Variants in VEGFC observed in about 807,000 individuals in gnomAD.
VEGFC encodes FLT4 ligand DHM.
In VEGFC, 12 loss-of-function variants were observed where a neutral mutation model predicts 46.1. That is an observed-to-expected ratio of 0.26 (90% CI 0.17 to 0.42). The LOEUF is 0.42. Among genes scored for constraint, VEGFC ranks in the 10% least tolerant of loss-of-function variants. The probability of loss-of-function intolerance (pLI) is 1.00; values close to 1 mark genes in which losing one functional copy is unlikely to be tolerated. For missense variants in VEGFC, 488 were observed against 529.4 expected, an observed-to-expected ratio of 0.92 and a Z score of 0.77; for synonymous variants, 232 against 195.5, an observed-to-expected ratio of 1.19 and a Z score of -1.56.
At chr4:176,779,540 G>A (rs1735871605) in intron 1 of VEGFC, among the ~76,000 whole-genome samples, 1 of 152,134 alleles carries the variant, frequency 6.6e-6, no homozygotes, top group African/African-American at 2.4e-5. Flanking sequence ...TTAAAAAAGA[G>A]TACTACTCTT....
chr4:176,776,002 A>G (rs1435537010), intron 1 of VEGFC, among the ~76,000 whole-genome samples: 1 of 152,232 alleles, frequency 6.6e-6, no homozygotes, highest in South Asian at 2.1e-4. Flanking sequence ...ATATAAACAC[A>G]TAACATTTTA....
chr4:176,697,452 G>A (rs1346093994), intron 4 of VEGFC, among the ~76,000 whole-genome samples: 8 of 152,256 alleles, frequency 5.3e-5, no homozygotes, highest in South Asian at 2.1e-4. Flanking sequence ...CTCACACCAC[G>A]TAGAATGGCA....
intron 1 of VEGFC, among the ~76,000 whole-genome samples, chr4:176,759,619 T>A (rs1309102107): frequency 3.3e-5 from 5 of 152,060 alleles, no homozygotes; most frequent in Non-Finnish European, 5.9e-5. Flanking sequence ...AAATGATAAG[T>A]ATGTGAGATG....
chr4:176,715,846 T>C (rs1734690497), intron 3 of VEGFC, among the ~76,000 whole-genome samples: 1 of 152,178 alleles, frequency 6.6e-6, no homozygotes, highest in Admixed American at 6.5e-5. Flanking sequence ...CATAACATTT[T>C]CAAATCACTG....
chr4:176,692,544 T>TG lies in VEGFC; in HGVS notation c.705-4618dup, dbSNP rs1047564371. ...TCAAACTGCAAGGCGGCAATGAGGCTGGGGGAGGGACGCCCGCCATTGCCC... is the reference window on the plus strand; with the variant it reads ...TCAAACTGCAAGGCGGCAATGAGGCTGGGGGGAGGGACGCCCGCCATTGCCC... On this transcript the variant is annotated intron_variant, in intron 4 of 6. Transcript: ENST00000618562. 1.6e-4 allele frequency among the ~76,000 whole-genome samples: 21 copies of TG among 132,840 alleles called. 3 individuals are homozygous for TG. The highest frequency in any genetic ancestry group is 2.6e-4 in the Non-Finnish European group (17 of 65,904). 87.1% of individuals were successfully genotyped at this position (132,840 alleles called of 152,430 possible).
Position 176,711,665 on chromosome 4 carries a change from C to T in VEGFC, c.553-15G>A, listed in dbSNP as rs370267488. On this transcript the variant is annotated splice_polypyrimidine_tract_variant and intron_variant, in intron 3 of 6. Coordinates refer to ENST00000618562, the MANE Select transcript of VEGFC (RefSeq NM_005429.5). ...ATTTCAAATAACTACAAAGAAGGGA[C>T]AAAAAGAAGAAAAAATTATATAGAT... 3.7e-6 allele frequency: 6 copies of T among 1,605,602 alleles called. No individual in the cohort carries two copies. The highest frequency in any genetic ancestry group is 1.1e-5 in the South Asian group (1 of 89,356).
At chr4:176,690,534 T>C (rs1734137813) in intron 4 of VEGFC, among the ~76,000 whole-genome samples, 1 of 152,174 alleles carries the variant, frequency 6.6e-6, no homozygotes, top group African/African-American at 2.4e-5. Flanking sequence ...CTCTACTCAT[T>C]GCGCATTTTT....
Position 176,758,737 on chromosome 4 carries a change from C to T in VEGFC, c.148-28991G>A, listed in dbSNP as rs139157295. On this transcript the variant is annotated intron_variant, in intron 1 of 6. Coordinates refer to ENST00000618562, the MANE Select transcript of VEGFC (RefSeq NM_005429.5). Reference sequence around the variant, plus strand: ...GTCTGATACTTTTCCATGATGTCTACCTCTGGCCCCACATTGCATTCAAAT... The same window carrying T: ...GTCTGATACTTTTCCATGATGTCTATCTCTGGCCCCACATTGCATTCAAAT... 3.6e-3 allele frequency among the ~76,000 whole-genome samples: 548 copies of T among 152,222 alleles called. 2 individuals are homozygous for T. Among genetic ancestry groups the T allele is most frequent in the African/African-American group, 0.013 (525 of 41,544 alleles).
chr4:176,707,981 T>A (rs1734565576), intron 4 of VEGFC, among the ~76,000 whole-genome samples: 1 of 151,820 alleles, frequency 6.6e-6, no homozygotes, highest in Non-Finnish European at 1.5e-5. Flanking sequence ...TTATTAATTC[T>A]ACAAATGTTA....
intron 1 of VEGFC, among the ~76,000 whole-genome samples, chr4:176,780,722 G>A (rs1735900463): frequency 6.6e-6 from 1 of 152,090 alleles, no homozygotes; most frequent in African/African-American, 2.4e-5. Flanking sequence ...TGAATTTCAG[G>A]TGTTTTGCAC....
At position 176,774,229 on chromosome 4, in the gene VEGFC, A is replaced by T. The variant is rs1176724345; in HGVS notation, c.147+17936T>A. On this transcript the variant is annotated intron_variant, in intron 1 of 6. Coordinates refer to ENST00000618562, the MANE Select transcript of VEGFC (RefSeq NM_005429.5). The stretch of plus-strand genomic sequence containing the variant: ...AATAATATATGCTATAGGACTACTT[A>T]ATATTAATTTAGCAGATAATTTTAA... Among the ~76,000 whole-genome samples, 3 of 150,030 alleles carry T rather than the reference A, an allele frequency of 2.0e-5. No homozygotes were observed. The Admixed American group carries it at 2.0e-4, about 10-fold the overall frequency.
At chr4:176,714,919 A>G (rs1419661117) in intron 3 of VEGFC, among the ~76,000 whole-genome samples, 1 of 152,212 alleles carries the variant, frequency 6.6e-6, no homozygotes, top group East Asian at 1.9e-4. Flanking sequence ...GTGTGGCTCT[A>G]TGCTTTCAAA....
intron 1 of VEGFC, among the ~76,000 whole-genome samples, chr4:176,767,089 G>GACAA (rs1371521819): frequency 0.12 from 4,037 of 34,166 alleles, 205 homozygotes; most frequent in African/African-American, 0.17. Context: ...TAAAAAGCCT[G>GACAA]GCAACCAAAT....
intron 1 of VEGFC, among the ~76,000 whole-genome samples, chr4:176,745,331 GA>G (rs1242032145): frequency 2.0e-5 from 3 of 152,030 alleles, no homozygotes; most frequent in Non-Finnish European, 4.4e-5. Flanking sequence ...TCCATCTCCT[GA>G]ATTATTTGTT....
chr4:176,737,910 G>T (rs576002703), intron 1 of VEGFC, among the ~76,000 whole-genome samples: 2 of 151,912 alleles, frequency 1.3e-5, no homozygotes, highest in Admixed American at 1.3e-4. Context: ...CTGAATAAAG[G>T]TTTAATGGTT....
intron 1 of VEGFC, among the ~76,000 whole-genome samples, chr4:176,732,845 G>A (rs758380134): frequency 1.7e-4 from 26 of 151,632 alleles, no homozygotes; most frequent in Admixed American, 7.9e-4. Context: ...CCAGAAAATC[G>A]AAATATTCTG....
chr4:176,790,371 G>A (rs559490208), intron 1 of VEGFC, among the ~76,000 whole-genome samples: 6 of 152,258 alleles, frequency 3.9e-5, no homozygotes, highest in Middle Eastern at 3.4e-3. Flanking sequence ...TATGAAAAGC[G>A]ACATTTGCAA....
At chr4:176,709,176 A>C (rs953821043) in intron 4 of VEGFC, among the ~76,000 whole-genome samples, 2 of 152,212 alleles carry the variant, frequency 1.3e-5, no homozygotes, top group African/African-American at 4.8e-5. Context: ...TTTAACAAGC[A>C]TTTATGTACA....
chr4:176,703,131 C>T (rs1465776666), intron 4 of VEGFC, among the ~76,000 whole-genome samples: 1 of 151,874 alleles, frequency 6.6e-6, no homozygotes, highest in Non-Finnish European at 1.5e-5. Context: ...TGGGTTGTAT[C>T]TTTAGTAAAT....
Sources: allele counts gnomAD v4.1 joint callset (sites outside exome capture counted in the v4.1 genomes callset), GRCh38; gene constraint gnomAD v4.1.1; transcripts MANE v1.5; gene names NCBI Gene and HGNC (gene_info 2026-07-23, HGNC 2026-07-21).